The following NRXN3 variants were observed in gnomAD, a reference collection of about 807,000 sequenced individuals.
NRXN3 encodes neurexin 3.
Under a neutral mutation model 137.6 loss-of-function variants are expected in NRXN3, and 32 were observed. The observed-to-expected ratio is 0.23, with a 90% CI of 0.18 to 0.31. NRXN3 has a LOEUF of 0.31. NRXN3 is among the 10% of genes least tolerant of loss of function. The pLI, the probability that NRXN3 is intolerant of heterozygous loss-of-function variation, is 1.00. For missense variants in NRXN3, 1,574 were observed against 2,062.5 expected (o/e 0.76, Z 4.59); for synonymous variants, 798 against 784.5 (o/e 1.02, Z -0.29).
chr14:79,815,784 G>A (rs2099249838), intron 20 of NRXN3, among the ~76,000 whole-genome samples: 2 of 152,086 alleles, frequency 1.3e-5, no homozygotes, highest in Admixed American at 1.3e-4. Flanking sequence ...TCAGAATTGG[G>A]AAGTGTCCTT....
At chr14:79,429,376 G>T (rs1460574157) in intron 15 of NRXN3, among the ~76,000 whole-genome samples, 1 of 152,276 alleles carries the variant, frequency 6.6e-6, no homozygotes, top group East Asian at 1.9e-4. Flanking sequence ...CTTCTGGAGT[G>T]AATTTCTTTT....
At chr14:79,792,583 T>A (rs2099148675) in intron 19 of NRXN3, among the ~76,000 whole-genome samples, 1 of 152,176 alleles carries the variant, frequency 6.6e-6, no homozygotes, top group Non-Finnish European at 1.5e-5. Context: ...TTAAAAAAAG[T>A]CCCAGCAAAT....
chr14:79,413,300 C>T (rs1258425093), intron 15 of NRXN3, among the ~76,000 whole-genome samples: 2 of 152,098 alleles, frequency 1.3e-5, no homozygotes, highest in Non-Finnish European at 2.9e-5. Flanking sequence ...AATGCTTAAG[C>T]CAGTGTTGGA....
intron 4 of NRXN3, among the ~76,000 whole-genome samples, chr14:78,499,596 C>T (rs915453375): frequency 2.0e-5 from 3 of 152,286 alleles, no homozygotes; most frequent in Admixed American, 1.3e-4. Context: ...TTTTAAGAGT[C>T]AGGAATCTGG....
intron 19 of NRXN3, among the ~76,000 whole-genome samples, chr14:79,789,188 T>C (rs1471466116): frequency 6.6e-6 from 1 of 152,168 alleles, no homozygotes; most frequent in African/African-American, 2.4e-5. Flanking sequence ...GGAAGTACTT[T>C]CTAGAGTTCA....
chr14:78,344,678 T>C (rs1274214993), intron 4 of NRXN3, among the ~76,000 whole-genome samples: 2 of 152,182 alleles, frequency 1.3e-5, no homozygotes, highest in Non-Finnish European at 2.9e-5. Flanking sequence ...CCTGGCCTTG[T>C]TCTGAGGTCC....
chr14:79,496,235 TCTCACA>T (rs1379124587), intron 16 of NRXN3, among the ~76,000 whole-genome samples: 18 of 145,330 alleles, frequency 1.2e-4, no homozygotes, highest in Non-Finnish European at 1.8e-4. Context: ...TCTCTCTCTC[TCTCACA>T]CACACACACA....
intron 10 of NRXN3, among the ~76,000 whole-genome samples, chr14:78,923,620 A>G (rs1035883317): frequency 1.3e-5 from 2 of 152,228 alleles, no homozygotes; most frequent in African/African-American, 4.8e-5. Flanking sequence ...GGAATTAAGG[A>G]AATGCCAAGA....
chr14:79,826,438 G>C (rs1379449659), intron 20 of NRXN3, among the ~76,000 whole-genome samples: 1 of 152,158 alleles, frequency 6.6e-6, no homozygotes. Flanking sequence ...TTCTCTATAT[G>C]TGTGAGTGTA....
chr14:78,681,723 G>A lies in NRXN3; in HGVS notation c.1222-27494G>A, dbSNP rs373863813. Among the ~76,000 whole-genome samples the A allele has an allele frequency of 3.0e-4, 45 of 152,214 alleles. No homozygotes were observed. In the East Asian group the frequency reaches 7.5e-3, roughly 25 times the overall value. On this transcript the variant is annotated intron_variant, in intron 6 of 20. Transcript: ENST00000335750. ...CAGAAATTGTTTTTTGGAAAAGTGGGTCTCCTTTTTAATTTCCCATTCGCA... is the reference window on the plus strand; with the variant it reads ...CAGAAATTGTTTTTTGGAAAAGTGGATCTCCTTTTTAATTTCCCATTCGCA...
At chr14:78,385,916 C>T (rs1413631855) in intron 4 of NRXN3, among the ~76,000 whole-genome samples, 20 of 152,070 alleles carry the variant, frequency 1.3e-4, no homozygotes, top group Admixed American at 1.2e-3. Flanking sequence ...AATTGTTAGA[C>T]CACAGCTTAC....
intron 4 of NRXN3, among the ~76,000 whole-genome samples, chr14:78,583,120 G>A (rs1283602253): frequency 6.6e-6 from 1 of 152,088 alleles, no homozygotes; most frequent in African/African-American, 2.4e-5. Context: ...CGCCTCTGGG[G>A]CCCACCCGGG....
chr14:78,394,025 A>G (rs556676393), intron 4 of NRXN3, among the ~76,000 whole-genome samples: 3 of 151,726 alleles, frequency 2.0e-5, no homozygotes, highest in African/African-American at 7.2e-5. Context: ...TTTTCTACAT[A>G]GAAATTATGT....
At chr14:79,145,982 A>G (rs1379115582) in intron 15 of NRXN3, among the ~76,000 whole-genome samples, 5 of 152,226 alleles carry the variant, frequency 3.3e-5, no homozygotes, top group Non-Finnish European at 2.9e-5. Context: ...AAGTTCACAC[A>G]GCTAATAAAC....
chr14:78,248,428 C>T (rs2068070347), intron 2 of NRXN3, among the ~76,000 whole-genome samples: 1 of 143,468 alleles, frequency 7.0e-6, no homozygotes, highest in Non-Finnish European at 1.5e-5. Flanking sequence ...ATTTCAATTT[C>T]TTTTTTTTTT....
chr14:79,310,776 T>C (rs1347391339), intron 15 of NRXN3, among the ~76,000 whole-genome samples: 3 of 126,592 alleles, frequency 2.4e-5, no homozygotes, highest in African/African-American at 3.6e-5. Flanking sequence ...TTTTTGTACA[T>C]TGATTTTGTA....
At chr14:78,361,609 A>C (rs1382788150) in intron 4 of NRXN3, among the ~76,000 whole-genome samples, 2 of 152,198 alleles carry the variant, frequency 1.3e-5, no homozygotes, top group Admixed American at 6.5e-5. Flanking sequence ...GGTCTTAAAA[A>C]ATTGAATTGG....
Position 79,451,881 on chromosome 14 carries a change from C to T in NRXN3, c.3263-15340C>T, listed in dbSNP as rs559378457. On this transcript the variant is annotated intron_variant, in intron 15 of 20. Coordinates refer to ENST00000335750, the MANE Select transcript of NRXN3 (RefSeq NM_001330195.2). ...GGAAATGGAGACAATGGGAAAGGGA[C>T]TAAATCCTAGAGAGTGATGTGTCTG... Among the ~76,000 whole-genome samples the T allele has an allele frequency of 2.6e-5, 4 of 152,284 alleles. 1 individual carries two copies. The South Asian group carries it at 8.3e-4, about 32-fold the overall frequency.
At chr14:79,826,581 A>G (rs2099302655) in intron 20 of NRXN3, among the ~76,000 whole-genome samples, 1 of 152,216 alleles carries the variant, frequency 6.6e-6, no homozygotes, top group South Asian at 2.1e-4. Context: ...ATTTCCTAAC[A>G]AGGACTTTCT....
Sources: gnomAD v4.1 joint callset for allele counts (sites outside exome capture counted in the v4.1 genomes callset) on GRCh38, gnomAD v4.1.1 for gene constraint, MANE v1.5 for transcripts, NCBI Gene and HGNC (gene_info 2026-07-23, HGNC 2026-07-21) for gene names.